The following INPP5F variants were observed in gnomAD, a reference collection of about 807,000 sequenced individuals.
The protein encoded by INPP5F is inositol polyphosphate-5-phosphatase F, also known as phosphatidylinositide 4-phosphatase SAC2.
A neutral mutation model predicts 137.2 loss-of-function variants in INPP5F; 97 were observed. The observed-to-expected ratio is 0.71, with a 90% CI of 0.60 to 0.84. The LOEUF (loss-of-function observed/expected upper bound fraction) is 0.84. INPP5F is among the 40% of genes least tolerant of loss of function. The pLI is 0.00. For missense variants in INPP5F, 1,271 were observed against 1,371.9 expected (o/e 0.93, Z 1.16); for synonymous variants, 504 against 476.9 (o/e 1.06, Z -0.74).
intron 6 of INPP5F, among the ~76,000 whole-genome samples, chr10:119,792,441 G>C (rs1016970940): frequency 2.0e-5 from 3 of 152,090 alleles, no homozygotes; most frequent in African/African-American, 7.2e-5. Flanking sequence ...TGTCTTTTTA[G>C]CACATTCCCA....
intron 2 of INPP5F, 125 bp downstream of exon 2, chr10:119,751,281 C>T (rs1848682963): frequency 1.4e-6 from 1 of 690,972 alleles, no homozygotes; most frequent in Non-Finnish European, 2.6e-6. Flanking sequence ...TGGGTCTGCT[C>T]AAAGTGGGTG....
chr10:119,821,961 C>CGGGTTCAAGTGATTCTCCTCCT (rs376887038), intron 16 of INPP5F, among the ~76,000 whole-genome samples: 1 of 148,748 alleles, frequency 6.7e-6, no homozygotes, highest in Non-Finnish European at 1.5e-5. Flanking sequence ...CTCCGCCTCT[C>CGGGTTCAAGTGATTCTCCTCCT]GGGTTCAAGT....
rs770290302 is a variant in INPP5F, at chr10:119,785,286, G to GTTGTTTTTTTTTTTTTTTTTTT, written c.315+3517_315+3518insGTTTTTTTTTTTTTTTTTTTTT. 1.3e-4 allele frequency among the ~76,000 whole-genome samples: 14 copies of GTTGTTTTTTTTTTTTTTTTTTT among 106,234 alleles called. 1 individual carries two copies. The highest frequency in any genetic ancestry group is 5.2e-4 in the African/African-American group (14 of 26,798). The allele number at this position is 106,234 out of a possible 152,430, so 69.7% of individuals were successfully genotyped here. ...TAACCTTTTGTGGAACTGCCAGACT[G>GTTGTTTTTTTTTTTTTTTTTTT]TTTTTTTTTTTTTTTTGGAGACGGA... On this transcript the variant is annotated intron_variant, in intron 3 of 19. Coordinates refer to ENST00000650623, the MANE Select transcript of INPP5F (RefSeq NM_014937.4).
chr10:119,753,417 T>C (rs1848743187), intron 2 of INPP5F, among the ~76,000 whole-genome samples: 1 of 152,162 alleles, frequency 6.6e-6, no homozygotes, highest in Non-Finnish European at 1.5e-5. Context: ...ACAACAACAG[T>C]GTATACTTTC....
intron 1 of INPP5F, 41 bp downstream of exon 1, chr10:119,726,400 G>A (rs1440533362): frequency 5.9e-6 from 7 of 1,179,342 alleles, no homozygotes; most frequent in African/African-American, 3.2e-5. Flanking sequence ...CCGGGCCAGG[G>A]CGGGGAGAGG....
intron 2 of INPP5F, 146 bp downstream of exon 2, chr10:119,751,302 G>A (rs1371994110): frequency 1.6e-6 from 1 of 639,776 alleles, no homozygotes; most frequent in Non-Finnish European, 2.8e-6. Context: ...TATAATGAGC[G>A]AAGACCTGTT....
Position 119,796,833 on chromosome 10 carries a change from C to T in INPP5F, c.788C>T (p.Pro263Leu), listed in dbSNP as rs748932452. 4 of 1,613,670 alleles carry T rather than the reference C, an allele frequency of 2.5e-6. No individual in the cohort carries two copies. Among genetic ancestry groups the T allele is most frequent in the East Asian group, 4.5e-5 (2 of 44,902 alleles). The change falls in exon 7 of 20, where the codon CCT (proline) becomes CTT (leucine). Residue 263 changes from proline (P) to leucine (L), a missense_variant. Pro to Leu is a moderately conservative substitution (Grantham distance 98, BLOSUM62 -3). Transcript: ENST00000650623. Reference protein sequence around the residue: ...DDEKSSPETPPQESTCVDDIH... With the variant: ...DDEKSSPETPLQESTCVDDIH... ...GAGAAAAGCAGCCCAGAGACCCCCC[C>T]TCAGGAGTCCACCTGTGTAGATGAT...
chr10:119,816,551 C>T (rs1851287379), intron 15 of INPP5F: 1 of 152,278 alleles, frequency 6.6e-6, no homozygotes, highest in Non-Finnish European at 1.5e-5. Flanking sequence ...TAAAGATTTT[C>T]CTAGTGGTGC....
intron 1 of INPP5F, among the ~76,000 whole-genome samples, chr10:119,736,672 G>A (rs1848224650): frequency 2.0e-5 from 3 of 152,130 alleles, no homozygotes; most frequent in Non-Finnish European, 4.4e-5. Flanking sequence ...TTCTTGAGAT[G>A]TGACAGTTAG....
intron 2 of INPP5F, among the ~76,000 whole-genome samples, chr10:119,762,187 T>C (rs1644395961): frequency 6.6e-6 from 1 of 152,208 alleles, no homozygotes; most frequent in Admixed American, 6.5e-5. Context: ...AATAGTTCTT[T>C]GTCTGTTTGG....
Position 119,811,182 on chromosome 10 carries a change from A to G in INPP5F, c.1688-575A>G, listed in dbSNP as rs538968054. Reference sequence around the variant, plus strand: ...CATCCAGATCCTGAAGCTGGCTGAGAGATCTTCAAGGTTGAGAGATAGAAG... The same window carrying G: ...CATCCAGATCCTGAAGCTGGCTGAGGGATCTTCAAGGTTGAGAGATAGAAG... On this transcript the variant is annotated intron_variant, in intron 14 of 19. Transcript: ENST00000650623. Among the ~76,000 whole-genome samples, 4 of 152,320 alleles carry G rather than the reference A, an allele frequency of 2.6e-5. No homozygotes were observed. In the South Asian group the frequency reaches 8.3e-4, roughly 32 times the overall value.
chr10:119,750,229 A>G (rs1429669428), intron 1 of INPP5F, among the ~76,000 whole-genome samples: 2 of 152,226 alleles, frequency 1.3e-5, no homozygotes, highest in East Asian at 1.9e-4. Flanking sequence ...AATAAATTGT[A>G]AATGATAATA....
At chr10:119,786,631 C>T (rs1483298680) in intron 3 of INPP5F, among the ~76,000 whole-genome samples, 1 of 152,030 alleles carries the variant, frequency 6.6e-6, no homozygotes, top group Non-Finnish European at 1.5e-5. Context: ...CTGCCTTCAG[C>T]CCCCCAAGTG....
intron 2 of INPP5F, among the ~76,000 whole-genome samples, chr10:119,753,728 A>G (rs1848753844): frequency 1.3e-5 from 2 of 152,218 alleles, no homozygotes; most frequent in Non-Finnish European, 2.9e-5. Flanking sequence ...TCATTTCCAT[A>G]GGGTACTGTG....
intron 3 of INPP5F, among the ~76,000 whole-genome samples, chr10:119,788,783 A>G (rs560014365): frequency 3.3e-5 from 5 of 152,356 alleles, no homozygotes; most frequent in African/African-American, 1.2e-4. Flanking sequence ...AATCCCAGAA[A>G]CTAACCTTGA....
intron 3 of INPP5F, among the ~76,000 whole-genome samples, chr10:119,788,416 C>T (rs1418748366): frequency 6.6e-6 from 1 of 152,020 alleles, no homozygotes; most frequent in African/African-American, 2.4e-5. Context: ...AAAGATACAC[C>T]CACAAAGGAG....
At chr10:119,794,805 C>T (rs544296702) in intron 6 of INPP5F, among the ~76,000 whole-genome samples, 1 of 120,026 alleles carries the variant, frequency 8.3e-6, no homozygotes, top group Admixed American at 7.7e-5. Flanking sequence ...CTGACCCCCC[C>T]ACCTCCCTCC....
intron 1 of INPP5F, among the ~76,000 whole-genome samples, chr10:119,745,347 A>AT (rs1848499335): frequency 2.1e-5 from 3 of 143,476 alleles, no homozygotes; most frequent in South Asian, 4.4e-4. Flanking sequence ...TTTTTTTGTT[A>AT]TTTTTTCTTT....
intron 2 of INPP5F, among the ~76,000 whole-genome samples, chr10:119,758,778 A>G (rs17099278): frequency 0.043 from 6,621 of 152,258 alleles, 240 homozygotes; most frequent in South Asian, 0.22. Context: ...CACTCAAGTA[A>G]ATCTCATTCA....
Sources: gnomAD v4.1 joint callset for allele counts (sites outside exome capture counted in the v4.1 genomes callset) on GRCh38, gnomAD v4.1.1 for gene constraint, MANE v1.5 for transcripts, NCBI Gene and HGNC (gene_info 2026-07-23, HGNC 2026-07-21) for gene names.